TANC2: variants seen among roughly 807,000 people sequenced by gnomAD.
TANC2 encodes protein TANC2.
TANC2 carries 26 observed loss-of-function variants against 210.5 expected under a neutral mutation model. The ratio of observed to expected loss-of-function variants is 0.12; its 90% CI spans 0.09 to 0.17. TANC2 has a LOEUF of 0.17. TANC2 is among the 10% of genes least tolerant of loss of function. TANC2 has a pLI of 1.00. For missense variants in TANC2, 2,129 were observed against 2,608.9 expected (o/e 0.82, Z 4.01); for synonymous variants, 931 against 967.1 (o/e 0.96, Z 0.69).
At chr17:63,179,402 T>C (rs1308208942) in intron 5 of TANC2, among the ~76,000 whole-genome samples, 1 of 152,198 alleles carries the variant, frequency 6.6e-6, no homozygotes, top group African/African-American at 2.4e-5. Context: ...AGCAAGAACT[T>C]AATCTTTGTG....
intron 2 of TANC2, among the ~76,000 whole-genome samples, chr17:63,073,302 A>G (rs2036462922): frequency 6.6e-6 from 1 of 152,102 alleles, no homozygotes; most frequent in African/African-American, 2.4e-5. Flanking sequence ...GCAATTATTT[A>G]CAATAAAGTA....
At position 63,167,884 on chromosome 17, in the gene TANC2, CAAAAAAAA is replaced by C. The variant is rs760465295; in HGVS notation, c.433+16522_433+16529del. On this transcript the variant is annotated intron_variant, in intron 5 of 27. Transcript: ENST00000689528. ...TGGGTGACAGAGTGAGACTCTGTCTCAAAAAAAAAAAAAAAAAAAAAAAAAGAAAAGGA... is the reference window on the plus strand; with the variant it reads ...TGGGTGACAGAGTGAGACTCTGTCTCAAAAAAAAAAAAAAAAAGAAAAGGA... 6.6e-3 allele frequency among the ~76,000 whole-genome samples: 425 copies of C among 64,008 alleles called. 3 individuals carry two copies. The highest frequency in any genetic ancestry group is 0.025 in the African/African-American group (404 of 16,148). 42.0% of individuals were successfully genotyped at this position (64,008 alleles called of 152,430 possible).
intron 4 of TANC2, among the ~76,000 whole-genome samples, chr17:63,109,504 GC>G (rs1384855180): frequency 6.6e-6 from 1 of 151,574 alleles, no homozygotes; most frequent in Admixed American, 6.6e-5. Flanking sequence ...ATTATGACTA[GC>G]CTGGTAACCA....
Position 63,067,874 on chromosome 17 carries a change from A to C in TANC2, c.68-6069A>C, listed in dbSNP as rs181720357. 6.8e-4 allele frequency among the ~76,000 whole-genome samples: 104 copies of C among 152,308 alleles called. 1 individual carries two copies. Among genetic ancestry groups the C allele is most frequent in the Admixed American group, 1.9e-3 (29 of 15,292 alleles). Reference sequence around the variant, plus strand: ...TGGAGTTCCAGAAAAAGAGAAGGAAAAATGTGGTGTTAAAATAATATTTGA... The same window carrying C: ...TGGAGTTCCAGAAAAAGAGAAGGAACAATGTGGTGTTAAAATAATATTTGA... On this transcript the variant is annotated intron_variant, in intron 2 of 27. Coordinates refer to ENST00000689528, the Ensembl canonical transcript of TANC2.
chr17:63,402,257 A>G (rs1352077806), intron 19 of TANC2, among the ~76,000 whole-genome samples: 1 of 151,916 alleles, frequency 6.6e-6, no homozygotes, highest in African/African-American at 2.4e-5. Context: ...TCTAACTCAC[A>G]TTATCATCTC....
At chr17:63,343,511 A>C (rs1005955748) in intron 12 of TANC2, among the ~76,000 whole-genome samples, 2 of 152,140 alleles carry the variant, frequency 1.3e-5, no homozygotes, top group African/African-American at 4.8e-5. Context: ...GTAATTAATG[A>C]CTATCTAGTT....
chr17:62,993,858 G>A (rs1342507807), intron 1 of TANC2, among the ~76,000 whole-genome samples: 1 of 152,148 alleles, frequency 6.6e-6, no homozygotes, highest in Non-Finnish European at 1.5e-5. Flanking sequence ...GAGCCCAGGA[G>A]TTTAAGGCAT....
chr17:63,046,357 A>G (rs1598308352), intron 2 of TANC2, among the ~76,000 whole-genome samples: 14 of 57,436 alleles, frequency 2.4e-4, no homozygotes, highest in East Asian at 4.4e-4. Flanking sequence ...TTTGAGATGG[A>G]GTTTCACTCT....
intron 4 of TANC2, among the ~76,000 whole-genome samples, chr17:63,110,368 A>G (rs1331214679): frequency 6.6e-6 from 1 of 151,756 alleles, no homozygotes; most frequent in Non-Finnish European, 1.5e-5. Context: ...ATTAAATATA[A>G]TTTTCTTAAT....
At chr17:63,313,792 A>T (rs992843035) in intron 9 of TANC2, among the ~76,000 whole-genome samples, 26 of 152,184 alleles carry the variant, frequency 1.7e-4, no homozygotes, top group Non-Finnish European at 3.4e-4. Flanking sequence ...TACTATTCTC[A>T]TTGGTGTTTT....
chr17:63,201,685 A>T (rs960139155), intron 7 of TANC2, among the ~76,000 whole-genome samples: 1 of 151,072 alleles, frequency 6.6e-6, no homozygotes, highest in Non-Finnish European at 1.5e-5. Context: ...ATTTCTAAAT[A>T]ATCTTCAACC....
intron 9 of TANC2, among the ~76,000 whole-genome samples, chr17:63,305,065 TAGAC>T (rs770577889): frequency 6.6e-6 from 1 of 152,200 alleles, no homozygotes; most frequent in Non-Finnish European, 1.5e-5. Flanking sequence ...TCAGATGGCT[TAGAC>T]AGCAGGCAGC....
chr17:63,366,087 A>G (rs1052980246), intron 14 of TANC2, among the ~76,000 whole-genome samples: 1 of 152,100 alleles, frequency 6.6e-6, no homozygotes, highest in African/African-American at 2.4e-5. Flanking sequence ...TAATGAGCCA[A>G]CAAAGGAATG....
chr17:63,181,435 A>T (rs1018304768), intron 5 of TANC2, among the ~76,000 whole-genome samples: 2 of 152,204 alleles, frequency 1.3e-5, no homozygotes, highest in African/African-American at 4.8e-5. Flanking sequence ...CTTTCTAGGC[A>T]TGTTGAAAAC....
intron 2 of TANC2, among the ~76,000 whole-genome samples, chr17:63,070,070 TA>T (rs1299734903): frequency 6.6e-6 from 1 of 152,214 alleles, no homozygotes; most frequent in Non-Finnish European, 1.5e-5. Flanking sequence ...ATATTCAAAA[TA>T]TAATTTTGGT....
At chr17:63,202,008 T>C (rs1408037897) in intron 7 of TANC2, among the ~76,000 whole-genome samples, 1 of 152,164 alleles carries the variant, frequency 6.6e-6, no homozygotes, top group Non-Finnish European at 1.5e-5. Context: ...CTAGAAAATA[T>C]TAAAGTATTG....
chr17:63,366,700 C>G (rs191753648), intron 14 of TANC2, among the ~76,000 whole-genome samples: 1 of 152,292 alleles, frequency 6.6e-6, no homozygotes, highest in Non-Finnish European at 1.5e-5. Context: ...CCACTCATTT[C>G]TATAAAGGTA....
At chr17:63,008,553 T>G (rs994281320) in intron 1 of TANC2, among the ~76,000 whole-genome samples, 3 of 152,178 alleles carry the variant, frequency 2.0e-5, no homozygotes, top group Admixed American at 1.3e-4. Context: ...AGAGTGGGAC[T>G]TTCTTTTTGA....
chr17:63,077,074 G>C lies in TANC2; in HGVS notation c.139+3060G>C, dbSNP rs563060261. 2.9e-4 allele frequency among the ~76,000 whole-genome samples: 44 copies of C among 152,162 alleles called. 2 individuals are homozygous for C. The South Asian group carries it at 4.6e-3, about 16-fold the overall frequency. On this transcript the variant is annotated intron_variant, in intron 3 of 27. Coordinates refer to ENST00000689528, the Ensembl canonical transcript of TANC2. ...GTGCTTAGTACAATGGATGAAAATA[G>C]ATCCAAACTAAGGCACATTGTGGTG...
Sources: allele counts gnomAD v4.1 joint callset (sites outside exome capture counted in the v4.1 genomes callset), GRCh38; gene constraint gnomAD v4.1.1; transcripts MANE v1.5; gene names NCBI Gene and HGNC (gene_info 2026-07-23, HGNC 2026-07-21).